The following ANO6 variants were observed in gnomAD, a reference collection of about 807,000 sequenced individuals.
ANO6 encodes the protein anoctamin-6.
ANO6 carries 106 observed loss-of-function variants against 117.5 expected under a neutral mutation model. That is an observed-to-expected ratio of 0.90 (90% CI 0.77 to 1.06). ANO6 has a LOEUF of 1.06. Ranked by LOEUF, ANO6 falls within the 50% of genes least tolerant of loss-of-function variation. ANO6 has a pLI of 0.00. For missense variants in ANO6, 955 were observed against 1,121.1 expected (o/e 0.85, Z 2.12); for synonymous variants, 367 against 385.1 (o/e 0.95, Z 0.55).
At chr12:45,332,308 T>TCA (rs760051269) in intron 3 of ANO6, among the ~76,000 whole-genome samples, 14 of 148,236 alleles carry the variant, frequency 9.4e-5, no homozygotes, top group African/African-American at 3.2e-4. Flanking sequence ...TCTCTCTCTC[T>TCA]CTCACACACA....
At chr12:45,334,418 G>C (rs570977628) in intron 3 of ANO6, among the ~76,000 whole-genome samples, 10 of 152,062 alleles carry the variant, frequency 6.6e-5, no homozygotes, top group African/African-American at 2.4e-4. Flanking sequence ...CAATATTTTG[G>C]CTCTTAAATT....
At chr12:45,239,501 T>C (rs1947703379) in intron 1 of ANO6, among the ~76,000 whole-genome samples, 1 of 69,866 alleles carries the variant, frequency 1.4e-5, no homozygotes, top group Non-Finnish European at 2.9e-5. Flanking sequence ...GCTCCTGGAT[T>C]CATTGATTTT....
chr12:45,352,328 C>T (rs1392203438), intron 7 of ANO6, among the ~76,000 whole-genome samples: 1 of 152,078 alleles, frequency 6.6e-6, no homozygotes, highest in Non-Finnish European at 1.5e-5. Flanking sequence ...TTCTTTCCCT[C>T]CCCACTCCAC....
chr12:45,278,085 C>T (rs1411066116), intron 1 of ANO6, among the ~76,000 whole-genome samples: 1 of 152,000 alleles, frequency 6.6e-6, no homozygotes, highest in Non-Finnish European at 1.5e-5. Flanking sequence ...CCCTCCACCT[C>T]GTAGCTAAGA....
intron 1 of ANO6, among the ~76,000 whole-genome samples, chr12:45,267,560 C>T (rs147751636): frequency 3.3e-5 from 5 of 152,074 alleles, no homozygotes; most frequent in Non-Finnish European, 4.4e-5. Context: ...GAGGCCGAGG[C>T]GGGTGGATCA....
At chr12:45,275,864 C>T (rs774731650) in intron 1 of ANO6, among the ~76,000 whole-genome samples, 5 of 152,142 alleles carry the variant, frequency 3.3e-5, no homozygotes, top group Admixed American at 2.0e-4. Context: ...TTAAGCCATA[C>T]CTCTTCTGTC....
chr12:45,367,227 C>G (rs901680260), intron 8 of ANO6, among the ~76,000 whole-genome samples: 1 of 152,162 alleles, frequency 6.6e-6, no homozygotes, highest in Admixed American at 6.5e-5. Flanking sequence ...GGTGATTCAC[C>G]CACCTCGGCC....
chr12:45,371,040 T>C (rs1941815701), intron 9 of ANO6, among the ~76,000 whole-genome samples: 1 of 152,176 alleles, frequency 6.6e-6, no homozygotes, highest in East Asian at 1.9e-4. Context: ...AGGCATTGCC[T>C]CACTCGGGAA....
At chr12:45,434,857 G>T (rs367877648), downstream of ANO6, among the ~76,000 whole-genome samples, 5 of 152,306 alleles carry the variant, frequency 3.3e-5, no homozygotes, top group East Asian at 9.6e-4. Context: ...GCTCTCATGG[G>T]ATCCCATAGA....
At position 45,275,280 on chromosome 12, in the gene ANO6, G is replaced by A. The variant is rs563415947; in HGVS notation, c.71-26734G>A. On this transcript the variant is annotated intron_variant, in intron 1 of 19. Coordinates refer to ENST00000320560, the MANE Select transcript of ANO6 (RefSeq NM_001025356.3). Reference sequence around the variant, plus strand: ...GGCTGGAGTGCAGTAGCGCCATCTCGGCTCACTGCAACCTCTGACTCCTGG... The same window carrying A: ...GGCTGGAGTGCAGTAGCGCCATCTCAGCTCACTGCAACCTCTGACTCCTGG... Among the ~76,000 whole-genome samples the A allele has an allele frequency of 2.6e-5, 4 of 152,062 alleles. No homozygotes were observed. In the East Asian group the frequency reaches 5.8e-4, roughly 22 times the overall value.
At chr12:45,302,477 G>A (rs1342352804) in intron 2 of ANO6, among the ~76,000 whole-genome samples, 1 of 152,176 alleles carries the variant, frequency 6.6e-6, no homozygotes, top group Non-Finnish European at 1.5e-5. Context: ...GCCAGTCACT[G>A]GTAGCGAACA....
chr12:45,233,787 A>G (rs1295364425), intron 1 of ANO6, among the ~76,000 whole-genome samples: 3 of 152,128 alleles, frequency 2.0e-5, no homozygotes, highest in Non-Finnish European at 4.4e-5. Context: ...CTTCCTCCAC[A>G]TGGTCCCTGC....
At chr12:45,244,203 G>A (rs1479141942) in intron 1 of ANO6, among the ~76,000 whole-genome samples, 1 of 152,170 alleles carries the variant, frequency 6.6e-6, no homozygotes, top group Admixed American at 6.5e-5. Flanking sequence ...ACCAAAAGAA[G>A]ATGAATAAGT....
chr12:45,386,141 G>A (rs1942292263), intron 10 of ANO6, among the ~76,000 whole-genome samples: 1 of 152,180 alleles, frequency 6.6e-6, no homozygotes, highest in Admixed American at 6.5e-5. Context: ...AATTTACAGG[G>A]TGGTACCTGG....
chr12:45,395,150 A>G (rs1593060844), intron 12 of ANO6, among the ~76,000 whole-genome samples: 1 of 152,208 alleles, frequency 6.6e-6, no homozygotes, highest in African/African-American at 2.4e-5. Context: ...AAAAAATGAT[A>G]AAGGGGATAT....
At chr12:45,317,935 A>T (rs142566090) in intron 2 of ANO6, among the ~76,000 whole-genome samples, 2,394 of 152,152 alleles carry the variant, frequency 0.016, 54 homozygotes, top group African/African-American at 0.053. Flanking sequence ...GAGAAGTGTC[A>T]GTTCATATCC....
chr12:45,378,215 G>T lies in ANO6; in HGVS notation c.1165+102G>T, dbSNP rs1942081563. 1.4e-5 allele frequency: 16 copies of T among 1,114,188 alleles called. No homozygotes were observed. The South Asian group carries it at 2.1e-4, about 14-fold the overall frequency. 69.0% of individuals were successfully genotyped at this position (1,114,188 alleles called of 1,614,324 possible). ...ACTTTTAGGATCTTGTATTGCCCAG[G>T]CTTCAACTCCCCTAGAATTCCATTT... On this transcript the variant is annotated intron_variant, in intron 10 of 19. Transcript: ENST00000320560.
intron 1 of ANO6, among the ~76,000 whole-genome samples, chr12:45,245,853 C>T (rs1464228941): frequency 6.6e-6 from 1 of 151,126 alleles, no homozygotes; most frequent in Non-Finnish European, 1.5e-5. Context: ...GGTCCCATGG[C>T]TGATTACTAT....
At position 45,388,351 on chromosome 12, in the gene ANO6, G is replaced by A. The variant is rs766793125; in HGVS notation, c.1308+48G>A. 7 of 1,610,452 alleles carry A rather than the reference G, an allele frequency of 4.3e-6. No homozygotes were observed. The African/African-American group carries it at 9.4e-5, about 22-fold the overall frequency. On this transcript the variant is annotated intron_variant, in intron 11 of 19. Transcript: ENST00000320560. ...GCAGTTTAATCTACTTACTGCTGTGGTTCTCCTCCTTGGCCGCACATTAGA... is the reference window on the plus strand; with the variant it reads ...GCAGTTTAATCTACTTACTGCTGTGATTCTCCTCCTTGGCCGCACATTAGA...
Sources: allele counts gnomAD v4.1 joint callset (sites outside exome capture counted in the v4.1 genomes callset), GRCh38; gene constraint gnomAD v4.1.1; transcripts MANE v1.5; gene names NCBI Gene and HGNC (gene_info 2026-07-23, HGNC 2026-07-21).